The following MTA3 variants were observed in gnomAD, a reference collection of about 807,000 sequenced individuals.
MTA3 encodes metastasis associated 1 family member 3, also known as metastasis-associated protein MTA3.
Under a neutral mutation model 83.5 loss-of-function variants are expected in MTA3, and 34 were observed. The ratio of observed to expected loss-of-function variants is 0.41; its 90% confidence interval spans 0.31 to 0.54. The LOEUF is 0.54. Ranked by LOEUF, MTA3 falls within the 20% of genes least tolerant of loss-of-function variation. The probability of loss-of-function intolerance (pLI) is 0.33; values close to 1 mark genes in which losing one functional copy is unlikely to be tolerated. For missense variants in MTA3, 761 were observed against 726.4 expected (o/e 1.05, Z -0.55); for synonymous variants, 303 against 252.7 (o/e 1.20, Z -1.89).
chr2:42,752,719 A>G (rs571042859), intron 16 of MTA3, among the ~76,000 whole-genome samples: 2 of 152,220 alleles, frequency 1.3e-5, no homozygotes, highest in South Asian at 2.1e-4. Context: ...CTCCCAGCCA[A>G]CTGTGTTCCC....
chr2:42,648,422 T>C (rs1482180724), intron 6 of MTA3, among the ~76,000 whole-genome samples: 2 of 152,234 alleles, frequency 1.3e-5, no homozygotes, highest in Non-Finnish European at 2.9e-5. Flanking sequence ...TGGCATGGAA[T>C]GTAGAACTGG....
chr2:42,752,427 A>G (rs1266774822), intron 16 of MTA3: 2 of 357,388 alleles, frequency 5.6e-6, no homozygotes, highest in African/African-American at 2.1e-5. Flanking sequence ...TTTCCTAATA[A>G]CTAAGTAAAA....
chr2:42,605,119 G>A (rs1683092856), intron 3 of MTA3, among the ~76,000 whole-genome samples: 2 of 148,702 alleles, frequency 1.3e-5, no homozygotes, highest in African/African-American at 2.5e-5. Context: ...AGATGGGGTG[G>A]TGGCCGGGCA....
chr2:42,610,775 G>A (rs1392289857), intron 4 of MTA3, among the ~76,000 whole-genome samples: 1 of 152,062 alleles, frequency 6.6e-6, no homozygotes, highest in Non-Finnish European at 1.5e-5. Context: ...GAGGGCACAG[G>A]TGAGCATAGG....
intron 4 of MTA3, among the ~76,000 whole-genome samples, chr2:42,626,750 A>G (rs1428088741): frequency 6.6e-6 from 1 of 150,868 alleles, no homozygotes; most frequent in Non-Finnish European, 1.5e-5. Context: ...TTTAAATTTA[A>G]TTTTTTTTTA....
At chr2:42,676,546 G>A (rs750131646) in intron 8 of MTA3, among the ~76,000 whole-genome samples, 4 of 152,112 alleles carry the variant, frequency 2.6e-5, no homozygotes, top group African/African-American at 4.8e-5. Context: ...CAGGCAGATC[G>A]CTTGAGCCCA....
At chr2:42,729,760 G>C (rs1007814472) in intron 16 of MTA3, among the ~76,000 whole-genome samples, 8 of 152,166 alleles carry the variant, frequency 5.3e-5, no homozygotes, top group Non-Finnish European at 1.2e-4. Flanking sequence ...GTTCAGAATA[G>C]CTTTGGCTAT....
intron 2 of MTA3, among the ~76,000 whole-genome samples, chr2:42,551,223 C>T (rs530816679): frequency 6.6e-6 from 1 of 151,878 alleles, no homozygotes; most frequent in East Asian, 1.9e-4. Context: ...CGAAGTCTTG[C>T]TCTGTCGCCC....
chr2:42,650,897 G>C lies in MTA3; in HGVS notation c.500-5303G>C, dbSNP rs567937213. ...CCAGAACTAATTCTTTTGTGGCCAT[G>C]CATCACCTAATGACAGCAATACATT... On this transcript the variant is annotated intron_variant, in intron 6 of 16. Transcript: ENST00000405094. Among the ~76,000 whole-genome samples, 3 of 152,232 alleles carry C rather than the reference G, an allele frequency of 2.0e-5. No homozygotes were observed. In the South Asian group the frequency reaches 6.2e-4, roughly 32 times the overall value.
intron 4 of MTA3, among the ~76,000 whole-genome samples, chr2:42,632,966 T>TAA: frequency 6.9e-6 from 1 of 145,608 alleles, no homozygotes; most frequent in African/African-American, 2.5e-5. Flanking sequence ...TACTCCTTTT[T>TAA]AAAAAAAAAA....
At chr2:42,608,297 C>A (rs988264804) in intron 3 of MTA3, among the ~76,000 whole-genome samples, 3 of 152,318 alleles carry the variant, frequency 2.0e-5, no homozygotes, top group African/African-American at 4.8e-5. Flanking sequence ...GCCAATGCAG[C>A]AGCAACTTTA....
At chr2:42,652,989 G>A (rs1476545180) in intron 6 of MTA3, among the ~76,000 whole-genome samples, 1 of 152,134 alleles carries the variant, frequency 6.6e-6, no homozygotes, top group Non-Finnish European at 1.5e-5. Context: ...AGGGCCTTTA[G>A]GAATCCTTAG....
chr2:42,638,397 T>C (rs1333977597), intron 4 of MTA3, among the ~76,000 whole-genome samples: 1 of 151,790 alleles, frequency 6.6e-6, no homozygotes, highest in Non-Finnish European at 1.5e-5. Context: ...ACCTTTTCTT[T>C]TTTTTTTTTG....
intron 4 of MTA3, among the ~76,000 whole-genome samples, chr2:42,610,570 CGGT>C (rs1314200822): frequency 6.6e-6 from 1 of 152,056 alleles, no homozygotes; most frequent in Non-Finnish European, 1.5e-5. Flanking sequence ...TGAGGAAAAA[CGGT>C]GGTTTTCTAT....
Position 42,695,787 on chromosome 2 carries a change from G to C in MTA3, c.914G>C (p.Ser305Thr). 1 of 1,571,700 alleles carries C rather than the reference G, an allele frequency of 6.4e-7. No homozygotes were observed. Among genetic ancestry groups the C allele is most frequent in the Non-Finnish European group, 8.6e-7 (1 of 1,159,662 alleles). The change falls in exon 10 of 17, where the codon AGC becomes ACC. Residue 305 changes from serine (S) to threonine (T), a missense_variant. Ser to Thr is a moderately conservative substitution (Grantham distance 58). Transcript: ENST00000405094. ...QDFLPWKSLT[S>T]IIEYYYMWKT... ...CAGCTTCCTTGGAAATCATTGACTA[G>C]CATCATTGAATATTATTACATGTGG...
At chr2:42,704,376 T>A in intron 12 of MTA3, 58 bp downstream of exon 12, 1 of 1,603,638 alleles carries the variant, frequency 6.2e-7, no homozygotes. Context: ...TCATGGGGTG[T>A]GAGCGTCTGG....
intron 16 of MTA3, among the ~76,000 whole-genome samples, chr2:42,741,148 A>G (rs1335201134): frequency 1.3e-5 from 2 of 152,216 alleles, no homozygotes; most frequent in Non-Finnish European, 2.9e-5. Context: ...AACCCCATGA[A>G]TCAACCTCTA....
chr2:42,570,244 C>G (rs1678315667), intron 1 of MTA3, among the ~76,000 whole-genome samples, 193 bp from the exon 2 acceptor site: 1 of 151,938 alleles, frequency 6.6e-6, no homozygotes, highest in Non-Finnish European at 1.5e-5. Flanking sequence ...ATGAAAATGC[C>G]AAGAAAATAA....
intron 4 of MTA3, among the ~76,000 whole-genome samples, 178 bp from the exon 5 acceptor site, chr2:42,639,995 T>C (rs1353019573): frequency 6.6e-6 from 1 of 152,158 alleles, no homozygotes; most frequent in Non-Finnish European, 1.5e-5. Context: ...ACAGCCTTAT[T>C]TTATAAGTTA....
Sources: allele counts gnomAD v4.1 joint callset (sites outside exome capture counted in the v4.1 genomes callset), GRCh38; gene constraint gnomAD v4.1.1; transcripts MANE v1.5; gene names NCBI Gene and HGNC (gene_info 2026-07-23, HGNC 2026-07-21).